The following EDIL3 variants were observed in gnomAD, a reference collection of about 807,000 sequenced individuals.
The protein encoded by EDIL3 is EGF like and discoidin domains 3, also known as EGF-like repeat and discoidin I-like domain-containing protein 3.
In EDIL3, 37 loss-of-function variants were observed where a neutral mutation model predicts 67.4. The ratio of observed to expected loss-of-function variants is 0.55; its 90% CI spans 0.42 to 0.72. The LOEUF (loss-of-function observed/expected upper bound fraction) is 0.72, where lower values mean the gene tolerates loss of function less well. Ranked by LOEUF, EDIL3 falls within the 30% of genes least tolerant of loss-of-function variation. EDIL3 has a pLI of 0.00. For synonymous variants in EDIL3, 195 were observed against 196.3 expected, an observed-to-expected ratio of 0.99 and a Z score of 0.05; for missense variants, 527 against 586.3, an observed-to-expected ratio of 0.90 and a Z score of 1.04.
intron 9 of EDIL3, among the ~76,000 whole-genome samples, chr5:84,007,058 A>T (rs1445895170): frequency 1.3e-5 from 2 of 152,098 alleles, no homozygotes; most frequent in African/African-American, 4.8e-5. Flanking sequence ...TTAATAAATG[A>T]TGCTTGGAAA....
At chr5:84,073,967 C>T (rs1177357678) in intron 6 of EDIL3, among the ~76,000 whole-genome samples, 4 of 151,484 alleles carry the variant, frequency 2.6e-5, no homozygotes, top group Admixed American at 1.3e-4. Context: ...GCTACAGTAA[C>T]CAAAACAGCA....
intron 6 of EDIL3, among the ~76,000 whole-genome samples, chr5:84,081,262 C>T (rs1746963202): frequency 6.6e-6 from 1 of 152,150 alleles, no homozygotes; most frequent in African/African-American, 2.4e-5. Context: ...TCTTCACATC[C>T]TCCATCACCC....
intron 9 of EDIL3, among the ~76,000 whole-genome samples, chr5:84,031,890 G>C (rs1745931376): frequency 6.6e-6 from 1 of 152,114 alleles, no homozygotes; most frequent in Non-Finnish European, 1.5e-5. Flanking sequence ...CAATATGCTG[G>C]ATATGTTACC....
intron 1 of EDIL3, among the ~76,000 whole-genome samples, chr5:84,365,045 G>T (rs1187454831): frequency 1.3e-5 from 2 of 152,010 alleles, no homozygotes; most frequent in African/African-American, 4.8e-5. Flanking sequence ...CTTGTTTTGA[G>T]AGGAGGAGGT....
At chr5:83,949,787 G>T (rs1362582900) in intron 10 of EDIL3, among the ~76,000 whole-genome samples, 1 of 151,710 alleles carries the variant, frequency 6.6e-6, no homozygotes, top group Non-Finnish European at 1.5e-5. Flanking sequence ...CCTTACCCAA[G>T]GAGGAGTCTG....
At position 84,253,387 on chromosome 5, in the gene EDIL3, TAGAG is replaced by T. The variant is rs546932651; in HGVS notation, c.196+693_196+696del. The stretch of plus-strand genomic sequence containing the variant: ...TTTGAAAATTATTTCTCTCTTTAGT[TAGAG>T]AGAAAATCTCTGCACAAGTTTACAT... On this transcript the variant is annotated intron_variant, in intron 2 of 10. Coordinates refer to ENST00000296591, the MANE Select transcript of EDIL3 (RefSeq NM_005711.5). Among the ~76,000 whole-genome samples the T allele has an allele frequency of 9.8e-5, 15 of 152,322 alleles. No individual in the cohort carries two copies. In the South Asian group the frequency reaches 2.5e-3, roughly 25 times the overall value.
chr5:84,308,305 G>C (rs529545917), intron 1 of EDIL3, among the ~76,000 whole-genome samples: 7 of 152,286 alleles, frequency 4.6e-5, no homozygotes, highest in Middle Eastern at 3.4e-3. Context: ...AGTGTGAATG[G>C]CCTGGAGGAT....
chr5:84,198,051 TG>T (rs1743748908), intron 3 of EDIL3, among the ~76,000 whole-genome samples: 1 of 151,956 alleles, frequency 6.6e-6, no homozygotes, highest in Non-Finnish European at 1.5e-5. Context: ...AATACAACTA[TG>T]GGGCACAACA....
intron 1 of EDIL3, among the ~76,000 whole-genome samples, chr5:84,280,158 G>A (rs988054921): frequency 6.6e-6 from 1 of 152,066 alleles, no homozygotes; most frequent in African/African-American, 2.4e-5. Flanking sequence ...TTGTTTCCTT[G>A]TGATGCCCCA....
rs1747096301 is a variant in EDIL3, at chr5:84,340,846, C to A, written c.67+43462G>T. On this transcript the variant is annotated intron_variant, in intron 1 of 10. Transcript: ENST00000296591. Reference sequence around the variant, plus strand: ...TGTTTAGGTCTGTTCTCCAGCTTCACAAATTTTCATTCAGTTTCTCAAAGG... The same window carrying A: ...TGTTTAGGTCTGTTCTCCAGCTTCAAAAATTTTCATTCAGTTTCTCAAAGG... 2.6e-5 allele frequency among the ~76,000 whole-genome samples: 4 copies of A among 151,806 alleles called. No individual in the cohort carries two copies. The South Asian group carries it at 8.3e-4, about 31-fold the overall frequency.
chr5:84,317,579 T>C (rs752364865), intron 1 of EDIL3, among the ~76,000 whole-genome samples: 17 of 151,710 alleles, frequency 1.1e-4, no homozygotes, highest in Non-Finnish European at 2.2e-4. Context: ...CAATAACAGG[T>C]TCTAAAATTG....
intron 1 of EDIL3, among the ~76,000 whole-genome samples, chr5:84,303,862 G>A (rs1472169176): frequency 6.7e-6 from 1 of 150,110 alleles, no homozygotes; most frequent in Non-Finnish European, 1.5e-5. Flanking sequence ...GTGTGTGTGT[G>A]TGTGTGCATG....
intron 6 of EDIL3, among the ~76,000 whole-genome samples, chr5:84,088,268 G>A (rs186769979): frequency 2.4e-4 from 36 of 152,272 alleles, no homozygotes; most frequent in Non-Finnish European, 8.8e-5. Flanking sequence ...ATCAGATAAT[G>A]CATTGATGTT....
intron 9 of EDIL3, among the ~76,000 whole-genome samples, chr5:84,041,623 C>A (rs1471194830): frequency 6.8e-6 from 1 of 146,730 alleles, no homozygotes; most frequent in Non-Finnish European, 1.5e-5. Context: ...TATATATGCA[C>A]ACACACATAT....
intron 5 of EDIL3, among the ~76,000 whole-genome samples, chr5:84,135,387 C>A (rs1042440081): frequency 1.4e-4 from 22 of 152,300 alleles, no homozygotes; most frequent in Admixed American, 1.3e-3. Context: ...AAGTTCCTTC[C>A]TGGAAGGTTC....
At position 84,132,332 on chromosome 5, in the gene EDIL3, A is replaced by G. The variant is rs1160965191; in HGVS notation, c.469+4909T>C. Among the ~76,000 whole-genome samples, 10 of 99,530 alleles carry G rather than the reference A, an allele frequency of 1.0e-4. No individual in the cohort carries two copies. In the South Asian group the frequency reaches 2.1e-3, roughly 21 times the overall value. The allele number at this position is 99,530 out of a possible 152,430, so 65.3% of individuals were successfully genotyped here. ...ATATATTATATATATTTTATATAAT[A>G]TATATTATATATATTTTATACATAA... On this transcript the variant is annotated intron_variant, in intron 5 of 10. Transcript: ENST00000296591.
intron 4 of EDIL3, among the ~76,000 whole-genome samples, chr5:84,155,331 G>A (rs990882307): frequency 6.6e-6 from 1 of 152,160 alleles, no homozygotes; most frequent in Non-Finnish European, 1.5e-5. Flanking sequence ...TGCTGCCAGA[G>A]ACATTTGAAG....
chr5:84,034,005 C>T (rs951788145), intron 9 of EDIL3, among the ~76,000 whole-genome samples: 8 of 152,118 alleles, frequency 5.3e-5, no homozygotes, highest in African/African-American at 1.9e-4. Flanking sequence ...TCTGAGCTCA[C>T]AGGAAAAACT....
At chr5:84,376,147 T>C (rs1747961514) in intron 1 of EDIL3, among the ~76,000 whole-genome samples, 1 of 152,158 alleles carries the variant, frequency 6.6e-6, no homozygotes, top group Non-Finnish European at 1.5e-5. Context: ...ATTTTCTCAT[T>C]TATATTTCAA....
Sources: gnomAD v4.1 joint callset for allele counts (sites outside exome capture counted in the v4.1 genomes callset) on GRCh38, gnomAD v4.1.1 for gene constraint, MANE v1.5 for transcripts, NCBI Gene and HGNC (gene_info 2026-07-23, HGNC 2026-07-21) for gene names.